MNS1: variants seen among roughly 807,000 people sequenced by gnomAD.
MNS1 encodes meiosis specific nuclear structural 1.
In MNS1, 63 loss-of-function variants were observed where a neutral mutation model predicts 72.0. The observed-to-expected ratio is 0.87, with a 90% CI of 0.71 to 1.08. The LOEUF is 1.08. Among genes scored for constraint, MNS1 ranks in the 50% least tolerant of loss-of-function variants. The probability of loss-of-function intolerance (pLI) is 0.00; values close to 1 mark genes in which losing one functional copy is unlikely to be tolerated. For synonymous variants in MNS1, 188 were observed against 172.1 expected (o/e 1.09, Z -0.72); for missense variants, 604 against 562.4 (o/e 1.07, Z -0.75).
chr15:56,462,284 CAG>C (rs2051028606), intron 2 of MNS1, among the ~76,000 whole-genome samples: 1 of 152,128 alleles, frequency 6.6e-6, no homozygotes, highest in Non-Finnish European at 1.5e-5. Flanking sequence ...TGTGAAACCA[CAG>C]ATGAAAGTTT....
chr15:56,439,582 T>G (rs1358477090), intron 7 of MNS1, among the ~76,000 whole-genome samples: 1 of 151,966 alleles, frequency 6.6e-6, no homozygotes, highest in East Asian at 1.9e-4. Context: ...GCCAACTGTG[T>G]TTTAAGAAAG....
chr15:56,439,551 G>C (rs1346819525), intron 7 of MNS1, among the ~76,000 whole-genome samples: 1 of 152,040 alleles, frequency 6.6e-6, no homozygotes, highest in African/African-American at 2.4e-5. Context: ...AGAGACCACA[G>C]GAATAGACCC....
At chr15:56,443,591 A>C in intron 6 of MNS1, 47 bp downstream of exon 6, 1 of 1,584,092 alleles carries the variant, frequency 6.3e-7, no homozygotes, top group Non-Finnish European at 8.6e-7. Context: ...TTCTGTAACT[A>C]ATATTTCAGA....
chr15:56,446,960 A>G lies in MNS1; in HGVS notation c.354-17T>C. ...AGCTCAATGCTGTTTAAAAAAACAA[A>G]AACAAATTTAAATGTTAGGACCATA... On this transcript the variant is annotated splice_polypyrimidine_tract_variant and intron_variant, in intron 3 of 9. Transcript: ENST00000260453. 6.4e-7 allele frequency: 1 copy of G among 1,553,712 alleles called. No individual in the cohort carries two copies. The highest frequency in any genetic ancestry group is 8.8e-7 in the Non-Finnish European group (1 of 1,134,398).
intron 3 of MNS1, among the ~76,000 whole-genome samples, chr15:56,451,116 G>A (rs1242919809): frequency 6.6e-6 from 1 of 152,134 alleles, no homozygotes; most frequent in African/African-American, 2.4e-5. Flanking sequence ...ATATATTTCA[G>A]ATATTAAATC....
intron 3 of MNS1, among the ~76,000 whole-genome samples, chr15:56,455,318 A>G (rs1291456753): frequency 6.6e-6 from 1 of 151,480 alleles, no homozygotes; most frequent in Non-Finnish European, 1.5e-5. Flanking sequence ...GCCCAAAAAG[A>G]TAGTTTGAGA....
Position 56,446,814 on chromosome 15 carries a change from A to T in MNS1, c.456+27T>A, listed in dbSNP as rs767255796. On this transcript the variant is annotated intron_variant, in intron 4 of 9. Coordinates refer to ENST00000260453, the MANE Select transcript of MNS1 (RefSeq NM_018365.4). ...ATTTTTATTTTCTAAATGAAGCTAAAAACATAATGACCAGAAACATGATTA... is the reference window on the plus strand; with the variant it reads ...ATTTTTATTTTCTAAATGAAGCTAATAACATAATGACCAGAAACATGATTA... The T allele has an allele frequency of 2.6e-6, 4 of 1,527,882 alleles. No individual in the cohort carries two copies. The East Asian group carries it at 9.0e-5, about 34-fold the overall frequency. 94.6% of individuals were successfully genotyped at this position (1,527,882 alleles called of 1,614,324 possible). A position where few individuals can be genotyped will look rare whatever the true frequency, so the allele number is the denominator to read the frequency against.
intron 9 of MNS1, chr15:56,429,462 C>G (rs1392681290): frequency 3.1e-6 from 1 of 320,506 alleles, no homozygotes; most frequent in African/African-American, 2.2e-5. Flanking sequence ...ACAAGTTCTA[C>G]TGCTTGGATT....
At chr15:56,449,860 A>G (rs1211692095) in intron 3 of MNS1, among the ~76,000 whole-genome samples, 6 of 152,176 alleles carry the variant, frequency 3.9e-5, no homozygotes, top group Admixed American at 6.5e-5. Flanking sequence ...ATATCCTGCT[A>G]TGGTCCATTA....
At chr15:56,450,283 A>G (rs1038637796) in intron 3 of MNS1, among the ~76,000 whole-genome samples, 1 of 152,062 alleles carries the variant, frequency 6.6e-6, no homozygotes, top group Non-Finnish European at 1.5e-5. Context: ...AAAATTTGCC[A>G]TCCTAACCAT....
intron 7 of MNS1, among the ~76,000 whole-genome samples, chr15:56,440,094 C>G (rs898708109): frequency 6.6e-6 from 1 of 152,050 alleles, no homozygotes; most frequent in Non-Finnish European, 1.5e-5. Flanking sequence ...ATTAGAGAAT[C>G]AGCAAAAGAC....
At chr15:56,461,817 C>A (rs745440679) in intron 2 of MNS1, among the ~76,000 whole-genome samples, 16 of 151,512 alleles carry the variant, frequency 1.1e-4, no homozygotes, top group Non-Finnish European at 1.8e-4. Context: ...GAGACAAAGT[C>A]AAAAACTAAA....
chr15:56,433,306 T>TGTG (rs563367499), intron 8 of MNS1, among the ~76,000 whole-genome samples: 1 of 152,124 alleles, frequency 6.6e-6, no homozygotes, highest in South Asian at 2.1e-4. Context: ...AAATACCTAA[T>TGTG]GCATGCAGGG....
Position 56,429,019 on chromosome 15 carries a change from C to A in MNS1, c.*82G>T. 1.3e-6 allele frequency: 1 copy of A among 756,846 alleles called. No homozygotes were observed. Among genetic ancestry groups the A allele is most frequent in the Non-Finnish European group, 2.1e-6 (1 of 474,870 alleles). The allele number at this position is 756,846 out of a possible 1,614,324, so 46.9% of individuals were successfully genotyped here. On this transcript the variant is annotated 3_prime_UTR_variant, in exon 10 of 10. Transcript: ENST00000260453. ...CCAAACAGACAATGGATACCTAATG[C>A]CACTGAACTGTAAAACAAAAGTTAT...
chr15:56,444,631 T>G lies in MNS1; in HGVS notation c.499A>C (p.Lys167Gln). The change falls in exon 5 of 10, where the codon AAG (lysine) becomes CAG (glutamine). Residue 167 changes from lysine (K) to glutamine (Q), a missense_variant. Lys to Gln is a moderately conservative substitution (Grantham distance 53, BLOSUM62 1). Transcript: ENST00000260453. ...EIAKTMMEEH[K>Q]RIIKEENAAE... ...GCATTCTCTTCCTTTATTATTCTCT[T>G]GTGTTCTTCCATCATGGTTTTGGCT... 1 of 1,613,154 alleles carries G rather than the reference T, an allele frequency of 6.2e-7. No individual in the cohort carries two copies.
At chr15:56,441,216 A>C (rs1482355831) in intron 7 of MNS1, among the ~76,000 whole-genome samples, 5 of 152,000 alleles carry the variant, frequency 3.3e-5, no homozygotes, top group African/African-American at 4.8e-5. Flanking sequence ...TTCATTACTG[A>C]TTTTTAATTT....
intron 7 of MNS1, among the ~76,000 whole-genome samples, chr15:56,439,714 A>G (rs911817255): frequency 1.3e-5 from 2 of 151,804 alleles, no homozygotes; most frequent in African/African-American, 4.8e-5. Context: ...AATTAACTCA[A>G]AACAGATCAC....
At chr15:56,431,852 AC>A (rs2050606063) in intron 8 of MNS1, among the ~76,000 whole-genome samples, 1 of 152,014 alleles carries the variant, frequency 6.6e-6, no homozygotes, top group Non-Finnish European at 1.5e-5. Flanking sequence ...ACAGTGTAAA[AC>A]AAAAAATAGT....
chr15:56,448,313 T>C (rs1317856881), intron 3 of MNS1, among the ~76,000 whole-genome samples: 2 of 152,206 alleles, frequency 1.3e-5, no homozygotes, highest in African/African-American at 4.8e-5. Context: ...TATTGTGTGA[T>C]ACTGAGGTTT....
Sources: gnomAD v4.1 joint callset for allele counts (sites outside exome capture counted in the v4.1 genomes callset) on GRCh38, gnomAD v4.1.1 for gene constraint, MANE v1.5 for transcripts, NCBI Gene and HGNC (gene_info 2026-07-23, HGNC 2026-07-21) for gene names.